The following SLC4A10 variants were observed in gnomAD, a reference collection of about 807,000 sequenced individuals.
SLC4A10 encodes solute carrier family 4 member 10.
Under a neutral mutation model 137.7 loss-of-function variants are expected in SLC4A10, and 42 were observed. The observed-to-expected ratio is 0.30, with a 90% CI of 0.24 to 0.39. The LOEUF is 0.39. Among genes scored for constraint, SLC4A10 ranks in the 10% least tolerant of loss-of-function variants. The pLI is 1.00. For synonymous variants in SLC4A10, 474 were observed against 464.1 expected (o/e 1.02, Z -0.27); for missense variants, 925 against 1,355.0 (o/e 0.68, Z 4.98).
chr2:161,660,157 T>C (rs567764494), intron 1 of SLC4A10, among the ~76,000 whole-genome samples: 3 of 152,328 alleles, frequency 2.0e-5, no homozygotes, highest in Admixed American at 6.5e-5. Flanking sequence ...ATGGTTGGGT[T>C]GTATGGTATA....
At chr2:161,897,137 A>T (rs961296924) in intron 11 of SLC4A10, among the ~76,000 whole-genome samples, 16 of 152,110 alleles carry the variant, frequency 1.1e-4, no homozygotes, top group African/African-American at 3.1e-4. Context: ...AAGATTTTTT[A>T]AATTTTGTTT....
intron 3 of SLC4A10, 82 bp from the exon 4 acceptor site, chr2:161,839,707 G>A: frequency 6.6e-7 from 1 of 1,516,922 alleles, no homozygotes; most frequent in South Asian, 1.2e-5. Flanking sequence ...TTGGGGTGGT[G>A]CTGAAGGCAG....
intron 1 of SLC4A10, among the ~76,000 whole-genome samples, chr2:161,685,355 C>T (rs2041269250): frequency 6.6e-6 from 1 of 152,164 alleles, no homozygotes; most frequent in Non-Finnish European, 1.5e-5. Context: ...CCTGTAATCC[C>T]AGCACTTTGG....
chr2:161,927,088 G>A (rs1689292915), intron 15 of SLC4A10, among the ~76,000 whole-genome samples: 2 of 152,148 alleles, frequency 1.3e-5, no homozygotes, highest in Admixed American at 6.5e-5. Flanking sequence ...TGTATTTTCT[G>A]AATCTGAATG....
At position 161,866,678 on chromosome 2, in the gene SLC4A10, T is replaced by C. The variant is rs185453468; in HGVS notation, c.766+3616T>C. On this transcript the variant is annotated intron_variant, in intron 6 of 26. Transcript: ENST00000446997. ...TGGTAAAGCACTCAAAATAAATGTA[T>C]CGAAAATATTAAAATAATTATTTGA... Among the ~76,000 whole-genome samples, 744 of 151,942 alleles carry C rather than the reference T, an allele frequency of 4.9e-3. 4 individuals carry two copies. The highest frequency in any genetic ancestry group is 0.017 in the Middle Eastern group (5 of 294).
At chr2:161,649,062 A>G (rs192741891) in intron 1 of SLC4A10, among the ~76,000 whole-genome samples, 1 of 152,104 alleles carries the variant, frequency 6.6e-6, no homozygotes, top group East Asian at 1.9e-4. Flanking sequence ...CTTTCTCCCA[A>G]ATGTGATATT....
intron 1 of SLC4A10, among the ~76,000 whole-genome samples, chr2:161,760,438 C>T (rs77421547): frequency 0.018 from 2,722 of 152,074 alleles, 82 homozygotes; most frequent in African/African-American, 0.061. Context: ...TCAATCCTGT[C>T]CCAGGGTTTG....
At chr2:161,737,500 A>G (rs2047465089) in intron 1 of SLC4A10, among the ~76,000 whole-genome samples, 1 of 150,084 alleles carries the variant, frequency 6.7e-6, no homozygotes, top group Non-Finnish European at 1.5e-5. Flanking sequence ...ATCACTTGAG[A>G]TTTTTATTTG....
At chr2:161,785,350 A>T (rs1289612172) in intron 2 of SLC4A10, among the ~76,000 whole-genome samples, 1 of 151,744 alleles carries the variant, frequency 6.6e-6, no homozygotes, top group Non-Finnish European at 1.5e-5. Context: ...GAAGAAGAGG[A>T]AATACCTCCA....
chr2:161,630,861 A>G (rs555543270), intron 1 of SLC4A10, among the ~76,000 whole-genome samples: 5 of 151,876 alleles, frequency 3.3e-5, no homozygotes, highest in Admixed American at 2.6e-4. Context: ...CCAAGTTCAC[A>G]TAGCTAAGAA....
intron 11 of SLC4A10, among the ~76,000 whole-genome samples, chr2:161,899,173 CACAA>C (rs2063832638): frequency 6.6e-6 from 1 of 152,110 alleles, no homozygotes; most frequent in Non-Finnish European, 1.5e-5. Context: ...TACTCAAGAG[CACAA>C]CTCTACCAAT....
intron 4 of SLC4A10, among the ~76,000 whole-genome samples, chr2:161,840,743 T>C (rs1033831096): frequency 2.0e-5 from 3 of 152,242 alleles, no homozygotes; most frequent in African/African-American, 7.2e-5. Flanking sequence ...CCCAGGGTTG[T>C]CATTTACCCA....
At chr2:161,865,101 T>C (rs2060660430) in intron 6 of SLC4A10, among the ~76,000 whole-genome samples, 2 of 152,166 alleles carry the variant, frequency 1.3e-5, no homozygotes, top group Non-Finnish European at 2.9e-5. Context: ...CATTTTGAAC[T>C]AGTTAAAATT....
intron 1 of SLC4A10, among the ~76,000 whole-genome samples, chr2:161,747,552 T>A (rs1456411141): frequency 6.6e-6 from 1 of 152,148 alleles, no homozygotes; most frequent in Non-Finnish European, 1.5e-5. Flanking sequence ...ATGAAGGTGC[T>A]TTCTTGTGTG....
chr2:161,819,291 C>T (rs529881731), intron 3 of SLC4A10, among the ~76,000 whole-genome samples: 1 of 152,172 alleles, frequency 6.6e-6, no homozygotes, highest in South Asian at 2.1e-4. Flanking sequence ...TAAAGAGGAA[C>T]TGGCTTTTGG....
At chr2:161,768,088 A>G (rs550525901) in intron 1 of SLC4A10, among the ~76,000 whole-genome samples, 46 of 152,128 alleles carry the variant, frequency 3.0e-4, no homozygotes, top group African/African-American at 1.0e-3. Flanking sequence ...TTTAGCCTTC[A>G]GATAGGCAAA....
chr2:161,962,349 C>T (rs975916680), intron 21 of SLC4A10, among the ~76,000 whole-genome samples: 27 of 152,124 alleles, frequency 1.8e-4, no homozygotes, highest in Non-Finnish European at 2.8e-4. Flanking sequence ...CACCCACACA[C>T]TGAAGTACAC....
At chr2:161,911,697 G>A (rs1685890343) in intron 15 of SLC4A10, among the ~76,000 whole-genome samples, 1 of 152,018 alleles carries the variant, frequency 6.6e-6, no homozygotes, top group South Asian at 2.1e-4. Flanking sequence ...CTATTAGGCA[G>A]ATCTATGTAC....
intron 1 of SLC4A10, among the ~76,000 whole-genome samples, chr2:161,660,720 C>T (rs1357082023): frequency 6.6e-6 from 1 of 151,074 alleles, no homozygotes; most frequent in African/African-American, 2.4e-5. Context: ...GTGACACGAC[C>T]TTGGCTCACT....
Sources: gnomAD v4.1 joint callset for allele counts (sites outside exome capture counted in the v4.1 genomes callset) on GRCh38, gnomAD v4.1.1 for gene constraint, MANE v1.5 for transcripts, NCBI Gene and HGNC (gene_info 2026-07-23, HGNC 2026-07-21) for gene names.